The following KCNIP4 variants were observed in gnomAD, a reference collection of about 807,000 sequenced individuals.
KCNIP4 encodes Kv channel-interacting protein 4.
In KCNIP4, 12 loss-of-function variants were observed where a neutral mutation model predicts 34.0. The observed-to-expected ratio is 0.35, with a 90% CI of 0.23 to 0.57. The LOEUF is 0.57. Ranked by LOEUF, KCNIP4 falls within the 20% of genes least tolerant of loss-of-function variation. The probability of loss-of-function intolerance (pLI) is 0.83; values close to 1 mark genes in which losing one functional copy is unlikely to be tolerated. For missense variants in KCNIP4, 238 were observed against 311.7 expected (o/e 0.76, Z 1.78); for synonymous variants, 124 against 102.2 (o/e 1.21, Z -1.29).
chr4:21,519,732 ATATG>A (rs1462208645), intron 1 of KCNIP4, among the ~76,000 whole-genome samples: 2 of 113,412 alleles, frequency 1.8e-5, no homozygotes, highest in Non-Finnish European at 3.5e-5. Context: ...ACACGTGTGT[ATATG>A]TATGATACAC....
At chr4:21,573,315 T>C (rs1740494157) in intron 1 of KCNIP4, among the ~76,000 whole-genome samples, 1 of 152,288 alleles carries the variant, frequency 6.6e-6, no homozygotes, top group Middle Eastern at 3.4e-3. Flanking sequence ...ACTTTATGAC[T>C]GAGGGAAACT....
intron 1 of KCNIP4, among the ~76,000 whole-genome samples, chr4:21,037,035 G>T (rs952370320): frequency 1.3e-5 from 2 of 148,202 alleles, no homozygotes; most frequent in African/African-American, 5.0e-5. Context: ...GAAGTAAAAT[G>T]AAAAAAAAAT....
At chr4:20,941,285 T>C (rs143328125) in intron 1 of KCNIP4, among the ~76,000 whole-genome samples, 1 of 152,344 alleles carries the variant, frequency 6.6e-6, no homozygotes, top group African/African-American at 2.4e-5. Flanking sequence ...TTTCCAACGT[T>C]AGTAGTGAAC....
At chr4:21,269,405 T>G (rs1199210047) in intron 1 of KCNIP4, among the ~76,000 whole-genome samples, 2 of 152,126 alleles carry the variant, frequency 1.3e-5, no homozygotes, top group Admixed American at 6.6e-5. Context: ...TTTTATTTAT[T>G]TTTATTTATT....
intron 1 of KCNIP4, among the ~76,000 whole-genome samples, chr4:21,505,466 G>T (rs148276737): frequency 2.0e-5 from 3 of 152,288 alleles, no homozygotes; most frequent in African/African-American, 4.8e-5. Flanking sequence ...TTTTCTGCAG[G>T]TGCCATGCTG....
intron 1 of KCNIP4, among the ~76,000 whole-genome samples, chr4:21,049,139 A>G (rs1742705935): frequency 6.6e-6 from 1 of 150,394 alleles, no homozygotes; most frequent in African/African-American, 2.5e-5. Flanking sequence ...TTTAGTAGAG[A>G]CGGGGTTTCA....
chr4:21,409,678 G>C (rs900179031), intron 1 of KCNIP4, among the ~76,000 whole-genome samples: 1 of 152,130 alleles, frequency 6.6e-6, no homozygotes, highest in African/African-American at 2.4e-5. Context: ...TGTTTAATGA[G>C]TGCTTGCTAT....
At chr4:21,152,127 C>G (rs1752803029) in intron 1 of KCNIP4, among the ~76,000 whole-genome samples, 1 of 152,072 alleles carries the variant, frequency 6.6e-6, no homozygotes, top group Admixed American at 6.6e-5. Flanking sequence ...GTGGCACATG[C>G]CTGTAATCCC....
chr4:21,443,350 C>T (rs539526565), intron 1 of KCNIP4, among the ~76,000 whole-genome samples: 5 of 152,304 alleles, frequency 3.3e-5, no homozygotes, highest in South Asian at 4.1e-4. Flanking sequence ...AAGTGCATGG[C>T]TTGCCCCTTC....
At chr4:20,948,764 TCTC>T (rs1301683619) in intron 1 of KCNIP4, among the ~76,000 whole-genome samples, 2 of 152,180 alleles carry the variant, frequency 1.3e-5, no homozygotes, top group African/African-American at 2.4e-5. Flanking sequence ...TGTTTTGTTT[TCTC>T]CTATTATTAA....
chr4:21,205,162 A>G (rs1318766100), intron 1 of KCNIP4, among the ~76,000 whole-genome samples: 1 of 152,210 alleles, frequency 6.6e-6, no homozygotes, highest in African/African-American at 2.4e-5. Context: ...CAATTTTCTG[A>G]GTGTAATTCC....
At chr4:21,879,868 T>A (rs571190609) in intron 1 of KCNIP4, among the ~76,000 whole-genome samples, 1 of 152,266 alleles carries the variant, frequency 6.6e-6, no homozygotes, top group Admixed American at 6.5e-5. Context: ...CACGTTAGTC[T>A]CATGATCGTA....
intron 1 of KCNIP4, among the ~76,000 whole-genome samples, chr4:21,705,974 C>T (rs1713232516): frequency 6.6e-6 from 1 of 152,068 alleles, no homozygotes; most frequent in Non-Finnish European, 1.5e-5. Flanking sequence ...GATCCCACTG[C>T]CTATATTTGT....
intron 8 of KCNIP4, among the ~76,000 whole-genome samples, chr4:20,730,385 G>A (rs540780609): frequency 6.3e-4 from 96 of 152,206 alleles, no homozygotes; most frequent in South Asian, 1.7e-3. Flanking sequence ...TCTTTACTTG[G>A]TATTAATAGA....
intron 3 of KCNIP4, chr4:20,767,362 A>G (rs1755505918): frequency 1.3e-5 from 2 of 152,150 alleles, no homozygotes; most frequent in South Asian, 2.1e-4. Flanking sequence ...AATAAATGTC[A>G]GTAGAAACCC....
intron 1 of KCNIP4, among the ~76,000 whole-genome samples, chr4:21,487,121 T>C (rs1277905647): frequency 6.6e-6 from 1 of 152,150 alleles, no homozygotes; most frequent in Non-Finnish European, 1.5e-5. Flanking sequence ...TTTATATTTA[T>C]TAACTTTTTC....
intron 1 of KCNIP4, among the ~76,000 whole-genome samples, chr4:21,903,640 A>G (rs1021039188): frequency 6.6e-6 from 1 of 152,184 alleles, no homozygotes; most frequent in Non-Finnish European, 1.5e-5. Flanking sequence ...CTTTTTTAAT[A>G]TAGAGTAAAT....
intron 1 of KCNIP4, among the ~76,000 whole-genome samples, chr4:21,049,859 A>G (rs949465958): frequency 6.6e-6 from 1 of 152,248 alleles, no homozygotes; most frequent in Non-Finnish European, 1.5e-5. Context: ...ACCTATGCCC[A>G]TGAATTAAAA....
At chr4:21,650,999 G>C (rs1379413257) in intron 1 of KCNIP4, among the ~76,000 whole-genome samples, 1 of 152,156 alleles carries the variant, frequency 6.6e-6, no homozygotes. Flanking sequence ...TGACTCTCCT[G>C]CTGAATCCCT....
Sources: allele counts gnomAD v4.1 joint callset (sites outside exome capture counted in the v4.1 genomes callset), GRCh38; gene constraint gnomAD v4.1.1; transcripts MANE v1.5; gene names NCBI Gene and HGNC (gene_info 2026-07-23, HGNC 2026-07-21).